FER: variants seen among roughly 807,000 people sequenced by gnomAD.
FER encodes tyrosine-protein kinase Fer.
FER carries 63 observed loss-of-function variants against 111.0 expected under a neutral mutation model. That is an observed-to-expected ratio of 0.57 (90% confidence interval 0.46 to 0.70). The LOEUF is 0.70. FER is among the 30% of genes least tolerant of loss of function. The pLI, the probability that FER is intolerant of heterozygous loss-of-function variation, is 0.00. For missense variants in FER, 914 were observed against 954.0 expected (o/e 0.96, Z 0.55); for synonymous variants, 327 against 313.9 (o/e 1.04, Z -0.44).
At chr5:108,943,103 A>G (rs1756490493) in intron 10 of FER, among the ~76,000 whole-genome samples, 1 of 152,154 alleles carries the variant, frequency 6.6e-6, no homozygotes, top group African/African-American at 2.4e-5. Context: ...TCCTTTCACG[A>G]TAGTTCAGCC....
At chr5:108,917,566 C>G (rs1392708495) in intron 10 of FER, among the ~76,000 whole-genome samples, 2 of 152,078 alleles carry the variant, frequency 1.3e-5, no homozygotes, top group African/African-American at 4.8e-5. Flanking sequence ...TCCCATTTCC[C>G]AAAGTCAGAG....
At chr5:109,016,565 C>T (rs1767157026) in intron 13 of FER, among the ~76,000 whole-genome samples, 1 of 151,990 alleles carries the variant, frequency 6.6e-6, no homozygotes. Context: ...ATCAGACCAG[C>T]TTTCTCTTAT....
At chr5:109,147,675 C>G (rs1462696814) in intron 17 of FER, among the ~76,000 whole-genome samples, 7 of 151,770 alleles carry the variant, frequency 4.6e-5, no homozygotes, top group African/African-American at 1.7e-4. Flanking sequence ...CTGAAAAAGG[C>G]AGGCCAGATG....
In FER at chr5:108,954,788, T is replaced by C. The variant is rs921812594; in HGVS notation, c.1389T>C (p.Gly463=). ...KPLAEQDWYH[G]AIPRIEAQEL... is the part of the protein sequence containing the mutation. ...TGGCAGAACAGGACTGGTACCATGG[T>C]GCAATTCCCAGAATAGAAGCTCAAG... Residue 463 remains glycine (G), a synonymous_variant, in exon 12 of 20, where the codon GGT becomes GGC. Transcript: ENST00000281092. The C allele has an allele frequency of 1.2e-6, 2 of 1,612,382 alleles. No individual in the cohort carries two copies. The highest frequency in any genetic ancestry group is 1.7e-6 in the Non-Finnish European group (2 of 1,179,060).
chr5:108,877,212 A>G (rs1007648041), intron 8 of FER, among the ~76,000 whole-genome samples: 5 of 152,148 alleles, frequency 3.3e-5, no homozygotes, highest in Non-Finnish European at 5.9e-5. Flanking sequence ...TGTTTACAGT[A>G]TTAGCTCAAG....
chr5:109,107,796 C>G (rs1749123196), intron 17 of FER, among the ~76,000 whole-genome samples: 1 of 152,078 alleles, frequency 6.6e-6, no homozygotes, highest in Non-Finnish European at 1.5e-5. Context: ...TGCTCATTTT[C>G]CCTTTCACCT....
intron 13 of FER, among the ~76,000 whole-genome samples, chr5:109,019,729 C>T (rs1377952851): frequency 6.6e-6 from 1 of 151,754 alleles, no homozygotes; most frequent in Non-Finnish European, 1.5e-5. Context: ...TCATTCATTT[C>T]TTCTAGCATT....
chr5:109,070,732 G>A (rs561929677), intron 16 of FER, among the ~76,000 whole-genome samples: 2 of 152,014 alleles, frequency 1.3e-5, no homozygotes, highest in Non-Finnish European at 2.9e-5. Flanking sequence ...TCACAGTATA[G>A]GTAAGGCTTT....
chr5:108,845,042 A>G (rs1561503273), intron 5 of FER, among the ~76,000 whole-genome samples: 2 of 29,698 alleles, frequency 6.7e-5, no homozygotes, highest in Admixed American at 7.8e-4. Context: ...ATATATATAC[A>G]TATATATATA....
At chr5:109,017,276 A>G (rs1048168428) in intron 13 of FER, among the ~76,000 whole-genome samples, 1 of 152,026 alleles carries the variant, frequency 6.6e-6, no homozygotes, top group African/African-American at 2.4e-5. Context: ...TTTCAAAAAG[A>G]TATGTTATAT....
Position 109,187,761 on chromosome 5 carries a change from A to C in FER, c.*186A>C, listed in dbSNP as rs78677189. 67,030 of 683,240 alleles carry C rather than the reference A, an allele frequency of 0.098. 3,541 individuals are homozygous for C. The highest frequency in any genetic ancestry group is 0.13 in the Middle Eastern group (327 of 2,444). The allele number at this position is 683,240 out of a possible 1,614,324, so 42.3% of individuals were successfully genotyped here. On this transcript the variant is annotated 3_prime_UTR_variant, in exon 20 of 20. Transcript: ENST00000281092. ...AGTCAAAGGCAAATTTGTTAAAGAA[A>C]TAGGCAGTCCTACCAAGGGCTTTCT...
At chr5:108,969,245 A>G (rs969833056) in intron 13 of FER, among the ~76,000 whole-genome samples, 1 of 152,180 alleles carries the variant, frequency 6.6e-6, no homozygotes, top group Non-Finnish European at 1.5e-5. Flanking sequence ...TCACTGCAGC[A>G]TTGTTTGTAA....
At chr5:108,883,099 C>T (rs1164185178) in intron 8 of FER, among the ~76,000 whole-genome samples, 3 of 151,876 alleles carry the variant, frequency 2.0e-5, no homozygotes, top group Admixed American at 2.0e-4. Flanking sequence ...TCTTTACCTA[C>T]TTCTCTTTTT....
intron 13 of FER, among the ~76,000 whole-genome samples, chr5:108,978,002 A>G (rs1225487584): frequency 6.6e-6 from 1 of 152,074 alleles, no homozygotes; most frequent in Non-Finnish European, 1.5e-5. Context: ...GCATGCCACC[A>G]CGATTGGCTA....
rs532997019 is a variant in FER at position 109,124,069 on chromosome 5, A to G, written c.2048+23550A>G. Among the ~76,000 whole-genome samples, 26 of 151,214 alleles carry G rather than the reference A, an allele frequency of 1.7e-4. No individual in the cohort carries two copies. The East Asian group carries it at 3.9e-3, about 23-fold the overall frequency. On this transcript the variant is annotated intron_variant, in intron 17 of 19. Transcript: ENST00000281092. ...GCAAAACCTGATCTCTACAAAAAAT[A>G]CAAAAAAAAAATAGCAGGGCATGAT...
intron 18 of FER, 150 bp from the exon 19 acceptor site, chr5:109,186,050 C>T (rs1758828279): frequency 9.1e-7 from 1 of 1,099,484 alleles, no homozygotes; most frequent in South Asian, 1.5e-5. Flanking sequence ...TTTTTAGCTC[C>T]ATTATACTGG....
intron 17 of FER, among the ~76,000 whole-genome samples, chr5:109,146,558 A>G (rs948617992): frequency 2.3e-4 from 35 of 151,854 alleles, no homozygotes; most frequent in African/African-American, 8.2e-4. Flanking sequence ...ACATGCAGTA[A>G]CATTTCCTTG....
chr5:108,830,136 A>G (rs887539397), intron 3 of FER, among the ~76,000 whole-genome samples: 34 of 152,338 alleles, frequency 2.2e-4, no homozygotes, highest in African/African-American at 7.7e-4. Context: ...TAGCAGATAG[A>G]TAATGGGAGA....
At chr5:109,092,864 C>G (rs1282739486) in intron 16 of FER, among the ~76,000 whole-genome samples, 9 of 152,064 alleles carry the variant, frequency 5.9e-5, no homozygotes, top group Non-Finnish European at 8.8e-5. Flanking sequence ...GTGTAATATC[C>G]ACGGACAGAT....
Sources: gnomAD v4.1 joint callset for allele counts (sites outside exome capture counted in the v4.1 genomes callset) on GRCh38, gnomAD v4.1.1 for gene constraint, MANE v1.5 for transcripts, NCBI Gene and HGNC (gene_info 2026-07-23, HGNC 2026-07-21) for gene names.